PKHD1: variants seen among roughly 807,000 people sequenced by gnomAD.
The protein encoded by PKHD1 is PKHD1 ciliary IPT domain containing fibrocystin/polyductin.
PKHD1 carries 291 observed loss-of-function variants against 412.0 expected under a neutral mutation model. The observed-to-expected ratio is 0.71, with a 90% CI of 0.64 to 0.78. The LOEUF (loss-of-function observed/expected upper bound fraction) is 0.78, where lower values mean the gene tolerates loss of function less well. Ranked by LOEUF, PKHD1 falls within the 30% of genes least tolerant of loss-of-function variation. PKHD1 has a pLI of 0.00. For synonymous variants in PKHD1, 1,777 were observed against 1,821.5 expected (o/e 0.98, Z 0.62); for missense variants, 4,825 against 4,950.7 (o/e 0.97, Z 0.76).
At chr6:52,009,119 A>G (rs1799473427) in intron 35 of PKHD1, among the ~76,000 whole-genome samples, 1 of 152,180 alleles carries the variant, frequency 6.6e-6, no homozygotes, top group African/African-American at 2.4e-5. Context: ...GCGGCTCTGG[A>G]GAGAATTAAA....
At chr6:51,658,623 A>C (rs1314901364) in intron 61 of PKHD1, among the ~76,000 whole-genome samples, 1 of 152,122 alleles carries the variant, frequency 6.6e-6, no homozygotes, top group Non-Finnish European at 1.5e-5. Context: ...CCATTGCTTA[A>C]ATTCATTAAA....
At chr6:52,050,562 A>AATTC (rs1281168347) in intron 21 of PKHD1, among the ~76,000 whole-genome samples, 1 of 152,206 alleles carries the variant, frequency 6.6e-6, no homozygotes, top group Non-Finnish European at 1.5e-5. Flanking sequence ...CAGCTAGTAA[A>AATTC]ATGTCACTCC....
At chr6:52,079,553 T>C (rs888161548) in intron 5 of PKHD1, among the ~76,000 whole-genome samples, 4 of 152,164 alleles carry the variant, frequency 2.6e-5, no homozygotes, top group Non-Finnish European at 5.9e-5. Flanking sequence ...CAGATGCAAG[T>C]TGAAGTCTTG....
chr6:51,711,425 C>T (rs1321783149), intron 60 of PKHD1, among the ~76,000 whole-genome samples: 1 of 152,216 alleles, frequency 6.6e-6, no homozygotes, highest in Admixed American at 6.5e-5. Context: ...CTGAAATCAT[C>T]TTGTCTCTAT....
intron 37 of PKHD1, among the ~76,000 whole-genome samples, chr6:51,921,099 G>A (rs957389953): frequency 6.6e-6 from 1 of 151,988 alleles, no homozygotes; most frequent in African/African-American, 2.4e-5. Flanking sequence ...ATTTTTTGAA[G>A]GGTTTTTTGT....
At chr6:52,008,249 C>G (rs560365769) in intron 35 of PKHD1, among the ~76,000 whole-genome samples, 49 of 152,262 alleles carry the variant, frequency 3.2e-4, no homozygotes, top group African/African-American at 1.1e-3. Context: ...TATCAACCAC[C>G]CCTCATTATG....
intron 52 of PKHD1, among the ~76,000 whole-genome samples, chr6:51,801,328 T>G (rs183190548): frequency 2.6e-5 from 4 of 152,256 alleles, no homozygotes; most frequent in East Asian, 1.9e-4. Flanking sequence ...GTAGACTAAT[T>G]TACTGAGATG....
At chr6:52,005,111 T>C (rs1798888246) in intron 35 of PKHD1, among the ~76,000 whole-genome samples, 1 of 152,048 alleles carries the variant, frequency 6.6e-6, no homozygotes, top group Admixed American at 6.6e-5. Flanking sequence ...GTTTTTTGGG[T>C]TTCCCTGAAC....
Position 51,903,707 on chromosome 6 carries a change from T to G in PKHD1, c.6886A>C (p.Ile2296Leu), listed in dbSNP as rs1232982233. The change falls in exon 43 of 67, where the codon ATA becomes CTA. Residue 2296 changes from isoleucine (I) to leucine (L), a missense_variant. Ile to Leu is a conservative substitution (Grantham distance 5, BLOSUM62 2). Transcript: ENST00000371117. Reference protein sequence around the residue: ...RKDDWSGHGNIIRNNVIIQVS... With the variant: ...RKDDWSGHGNLIRNNVIIQVS... ...TGGATGATCACGTTGTTTCTTATTA[T>G]ATTTCCATGTCCTGACCAGTCTAAT... 6.2e-7 allele frequency: 1 copy of G among 1,611,522 alleles called. No homozygotes were observed. The highest frequency in any genetic ancestry group is 1.7e-5 in the Admixed American group (1 of 59,946).
chr6:51,856,233 T>C (rs146749586), intron 48 of PKHD1, among the ~76,000 whole-genome samples, 163 bp from the exon 49 acceptor site: 174 of 152,344 alleles, frequency 1.1e-3, no homozygotes, highest in African/African-American at 4.1e-3. Flanking sequence ...GCAGTCACTG[T>C]GTGAGTGAAA....
chr6:51,722,621 G>A (rs1782065640), intron 60 of PKHD1, among the ~76,000 whole-genome samples: 1 of 152,124 alleles, frequency 6.6e-6, no homozygotes, highest in South Asian at 2.1e-4. Flanking sequence ...GGAGCTATTG[G>A]AATAGTAGTA....
intron 49 of PKHD1, among the ~76,000 whole-genome samples, chr6:51,853,433 G>A (rs1772681409): frequency 6.6e-6 from 1 of 152,126 alleles, no homozygotes; most frequent in Admixed American, 6.5e-5. Context: ...TGTCTTAATG[G>A]TGTTCTCTGC....
intron 57 of PKHD1, among the ~76,000 whole-genome samples, chr6:51,751,984 G>C (rs1786188250): frequency 6.6e-6 from 1 of 152,156 alleles, no homozygotes; most frequent in South Asian, 2.1e-4. Flanking sequence ...TTAGGATCAG[G>C]TCAGTCTTGC....
At chr6:52,080,112 A>G in intron 4 of PKHD1, 104 bp from the exon 5 acceptor site, 1 of 746,052 alleles carries the variant, frequency 1.3e-6, no homozygotes, top group Non-Finnish European at 2.4e-6. Context: ...TTTAAAACAG[A>G]GCTAACCAAG....
intron 60 of PKHD1, among the ~76,000 whole-genome samples, chr6:51,711,347 G>A (rs530415670): frequency 2.0e-5 from 3 of 152,038 alleles, no homozygotes; most frequent in African/African-American, 2.4e-5. Flanking sequence ...TAACCTATAC[G>A]CAAGTCTTTG....
chr6:51,821,967 G>A (rs905482497), intron 52 of PKHD1, among the ~76,000 whole-genome samples: 3 of 152,206 alleles, frequency 2.0e-5, no homozygotes, highest in Non-Finnish European at 2.9e-5. Flanking sequence ...GATTACAGGC[G>A]TGAGCCACTC....
chr6:52,040,934 TA>T (rs1804774988), intron 27 of PKHD1, among the ~76,000 whole-genome samples: 1 of 152,176 alleles, frequency 6.6e-6, no homozygotes, highest in South Asian at 2.1e-4. Context: ...TGCCTGGTAA[TA>T]AAAGCTAAAT....
intron 26 of PKHD1, 129 bp from the exon 27 acceptor site, chr6:52,043,263 T>A: frequency 2.8e-6 from 2 of 709,842 alleles, no homozygotes; most frequent in Non-Finnish European, 4.7e-6. Context: ...TTCAAGGAGC[T>A]GAATGCTGAA....
chr6:51,763,001 T>A (rs1043446407), intron 55 of PKHD1, among the ~76,000 whole-genome samples: 6 of 152,078 alleles, frequency 3.9e-5, no homozygotes, highest in African/African-American at 1.4e-4. Flanking sequence ...AAGAATTCCA[T>A]AAAATGAATA....
Sources: allele counts gnomAD v4.1 joint callset (sites outside exome capture counted in the v4.1 genomes callset), GRCh38; gene constraint gnomAD v4.1.1; transcripts MANE v1.5; gene names NCBI Gene and HGNC (gene_info 2026-07-23, HGNC 2026-07-21).